Variants in OTUD7A observed in about 807,000 individuals in gnomAD.
OTUD7A encodes OTU deubiquitinase 7A.
Under a neutral mutation model 65.7 loss-of-function variants are expected in OTUD7A, and 12 were observed. The ratio of observed to expected loss-of-function variants is 0.18; its 90% CI spans 0.12 to 0.30. The LOEUF is 0.30. Ranked by LOEUF, OTUD7A falls within the 10% of genes least tolerant of loss-of-function variation. The pLI is 1.00. For missense variants in OTUD7A, 1,148 were observed against 1,304.8 expected, an observed-to-expected ratio of 0.88 and a Z score of 1.85; for synonymous variants, 641 against 586.3, an observed-to-expected ratio of 1.09 and a Z score of -1.35.
At chr15:31,617,523 G>T (rs995803063) in intron 3 of OTUD7A, among the ~76,000 whole-genome samples, 4 of 152,004 alleles carry the variant, frequency 2.6e-5, no homozygotes, top group African/African-American at 9.7e-5. Flanking sequence ...ACTCTGGCAA[G>T]ACTTATATAC....
At chr15:31,731,293 A>T (rs2141361268) in intron 1 of OTUD7A, among the ~76,000 whole-genome samples, 1 of 152,370 alleles carries the variant, frequency 6.6e-6, no homozygotes. Context: ...AGATTTATTC[A>T]TAATTGCCAA....
chr15:31,567,056 C>A (rs971021131), intron 4 of OTUD7A, among the ~76,000 whole-genome samples: 2 of 152,162 alleles, frequency 1.3e-5, no homozygotes, highest in Admixed American at 6.5e-5. Flanking sequence ...GTGAAAGCAA[C>A]TTTGGAACTG....
intron 1 of OTUD7A, among the ~76,000 whole-genome samples, chr15:31,728,035 A>C (rs1893941166): frequency 1.3e-5 from 2 of 152,178 alleles, no homozygotes; most frequent in African/African-American, 2.4e-5. Context: ...TCTCTTCTGA[A>C]CTTTACCTTG....
At chr15:31,561,618 A>T (rs1232160423) in intron 4 of OTUD7A, among the ~76,000 whole-genome samples, 1 of 152,220 alleles carries the variant, frequency 6.6e-6, no homozygotes, top group Non-Finnish European at 1.5e-5. Flanking sequence ...TGCAGTTCTA[A>T]ACATGAAATA....
At chr15:31,857,553 G>A (rs1464143497) in intron 1 of OTUD7A, among the ~76,000 whole-genome samples, 2 of 152,192 alleles carry the variant, frequency 1.3e-5, no homozygotes, top group South Asian at 2.1e-4. Context: ...GGACCCAGGA[G>A]GAGTGTACAG....
At chr15:31,527,512 A>G (rs1322840707) in intron 6 of OTUD7A, among the ~76,000 whole-genome samples, 1 of 152,252 alleles carries the variant, frequency 6.6e-6, no homozygotes, top group East Asian at 1.9e-4. Flanking sequence ...GAAGCAGCAC[A>G]TCCTGTTCTT....
intron 3 of OTUD7A, among the ~76,000 whole-genome samples, chr15:31,602,703 C>T (rs1294782494): frequency 6.6e-6 from 1 of 152,136 alleles, no homozygotes; most frequent in African/African-American, 2.4e-5. Context: ...ATTTAGAAAA[C>T]CCCACCATTT....
intron 3 of OTUD7A, among the ~76,000 whole-genome samples, chr15:31,617,078 C>T (rs1177420197): frequency 1.3e-5 from 2 of 152,150 alleles, no homozygotes; most frequent in Admixed American, 1.3e-4. Context: ...GAGGGTAGAT[C>T]TACAACCAAA....
At chr15:31,807,353 G>C (rs1329686743) in intron 1 of OTUD7A, among the ~76,000 whole-genome samples, 1 of 152,140 alleles carries the variant, frequency 6.6e-6, no homozygotes, top group Non-Finnish European at 1.5e-5. Context: ...ACCTGTGAAA[G>C]GGCTCACACA....
chr15:31,827,715 C>T (rs574254846), intron 1 of OTUD7A, among the ~76,000 whole-genome samples: 11 of 152,096 alleles, frequency 7.2e-5, no homozygotes, highest in South Asian at 2.1e-4. Flanking sequence ...TCACTTGAGG[C>T]GAGGAGTTTG....
intron 1 of OTUD7A, among the ~76,000 whole-genome samples, chr15:31,810,562 C>T (rs1409880440): frequency 1.3e-5 from 2 of 152,144 alleles, no homozygotes; most frequent in Non-Finnish European, 2.9e-5. Flanking sequence ...AGAGAGCCCT[C>T]ACCAGAAACT....
chr15:31,608,496 A>G (rs1271695617), intron 3 of OTUD7A, among the ~76,000 whole-genome samples: 6 of 152,186 alleles, frequency 3.9e-5, no homozygotes, highest in Non-Finnish European at 7.3e-5. Context: ...TGAGAGCTAA[A>G]AGCACAAGAC....
At chr15:31,814,440 T>C (rs1051410897) in intron 1 of OTUD7A, among the ~76,000 whole-genome samples, 1 of 152,204 alleles carries the variant, frequency 6.6e-6, no homozygotes, top group South Asian at 2.1e-4. Flanking sequence ...GCCCTGTTCA[T>C]GTGACACGTC....
intron 1 of OTUD7A, among the ~76,000 whole-genome samples, chr15:31,804,721 A>T (rs1338155035): frequency 2.6e-5 from 4 of 152,170 alleles, no homozygotes; most frequent in Non-Finnish European, 5.9e-5. Context: ...AGCTGTCATC[A>T]TGGGGGTTCC....
chr15:31,570,662 G>A (rs566386353), intron 3 of OTUD7A, among the ~76,000 whole-genome samples: 1 of 152,354 alleles, frequency 6.6e-6, no homozygotes, highest in East Asian at 1.9e-4. Context: ...TATGAGCGAA[G>A]CAGAAGCTTG....
At chr15:31,662,302 A>T (rs1892188169) in intron 1 of OTUD7A, among the ~76,000 whole-genome samples, 1 of 152,270 alleles carries the variant, frequency 6.6e-6, no homozygotes, top group South Asian at 2.1e-4. Context: ...AAGGCAAGAT[A>T]GATGCTTTAT....
chr15:31,696,795 G>A (rs1315709264), intron 1 of OTUD7A, among the ~76,000 whole-genome samples: 5 of 151,554 alleles, frequency 3.3e-5, no homozygotes, highest in Non-Finnish European at 7.4e-5. Flanking sequence ...CTGGGGCTAG[G>A]TGTCTGCAGC....
intron 1 of OTUD7A, among the ~76,000 whole-genome samples, chr15:31,720,484 C>T (rs770661557): frequency 6.6e-6 from 1 of 151,322 alleles, no homozygotes; most frequent in Non-Finnish European, 1.5e-5. Context: ...ACTGTAGGCT[C>T]TGCCCCCCGG....
At chr15:31,789,798 C>G (rs1176606646) in intron 1 of OTUD7A, among the ~76,000 whole-genome samples, 1 of 151,488 alleles carries the variant, frequency 6.6e-6, no homozygotes, top group East Asian at 1.9e-4. Flanking sequence ...CTCCACCTCC[C>G]AGGTTCAAGC....
Sources: allele counts gnomAD v4.1 joint callset (sites outside exome capture counted in the v4.1 genomes callset), GRCh38; gene constraint gnomAD v4.1.1; transcripts MANE v1.5; gene names NCBI Gene and HGNC (gene_info 2026-07-23, HGNC 2026-07-21).